Variants in DNAH7 observed in about 807,000 individuals in gnomAD.
DNAH7 encodes the protein dynein axonemal heavy chain 7.
Under a neutral mutation model 444.6 loss-of-function variants are expected in DNAH7, and 397 were observed. The ratio of observed to expected loss-of-function variants is 0.89; its 90% confidence interval spans 0.82 to 0.97. The LOEUF (loss-of-function observed/expected upper bound fraction) is 0.97, where lower values mean the gene tolerates loss of function less well. DNAH7 is among the 50% of genes least tolerant of loss of function. The pLI, the probability that DNAH7 is intolerant of heterozygous loss-of-function variation, is 0.00. For synonymous variants in DNAH7, 1,636 were observed against 1,624.4 expected (o/e 1.01, Z -0.17); for missense variants, 4,902 against 4,800.8 (o/e 1.02, Z -0.62).
At chr2:195,964,526 GTTTTTTTT>G (rs34416268) in intron 17 of DNAH7, among the ~76,000 whole-genome samples, 1 of 119,078 alleles carries the variant, frequency 8.4e-6, no homozygotes, top group Non-Finnish European at 1.8e-5. Context: ...AGTTCTAATA[GTTTTTTTT>G]TTTTTTTTTT....
chr2:195,772,083 T>C (rs1694867570), intron 60 of DNAH7, among the ~76,000 whole-genome samples, 193 bp from the exon 61 acceptor site: 1 of 152,096 alleles, frequency 6.6e-6, no homozygotes, highest in Admixed American at 6.6e-5. Context: ...AAACTATTGT[T>C]AGAGAGGAGG....
intron 63 of DNAH7, among the ~76,000 whole-genome samples, chr2:195,747,119 A>G (rs1017701326): frequency 2.6e-5 from 4 of 152,194 alleles, no homozygotes; most frequent in African/African-American, 9.6e-5. Flanking sequence ...AATAAAGAAG[A>G]AAAGAGAGAA....
chr2:195,922,234 A>C lies in DNAH7; in HGVS notation c.3826-37T>G, dbSNP rs80134683. ...CAAATAAAATGAAGTTAAACAATAAAATTGTAAATAATATGAAATCTCAAG... is the reference window on the plus strand; with the variant it reads ...CAAATAAAATGAAGTTAAACAATAACATTGTAAATAATATGAAATCTCAAG... On this transcript the variant is annotated intron_variant, in intron 23 of 64. Transcript: ENST00000312428. The C allele has an allele frequency of 7.3e-3, 8,576 of 1,182,880 alleles. 184 individuals carry two copies. The highest frequency in any genetic ancestry group is 0.06 in the East Asian group (2,458 of 40,910). The allele number at this position is 1,182,880 out of a possible 1,614,324, so 73.3% of individuals were successfully genotyped here.
intron 23 of DNAH7, among the ~76,000 whole-genome samples, chr2:195,922,886 G>A (rs1688109565): frequency 6.6e-6 from 1 of 151,534 alleles, no homozygotes; most frequent in Non-Finnish European, 1.5e-5. Context: ...TTCTGAGACA[G>A]GGTCTCACTC....
chr2:195,899,830 T>A (rs560833134), intron 28 of DNAH7, among the ~76,000 whole-genome samples: 1 of 152,170 alleles, frequency 6.6e-6, no homozygotes, highest in Admixed American at 6.5e-5. Context: ...TATATTACAG[T>A]TATAATTTAG....
At chr2:195,879,683 T>C (rs1701267466) in intron 36 of DNAH7, among the ~76,000 whole-genome samples, 1 of 152,000 alleles carries the variant, frequency 6.6e-6, no homozygotes, top group Non-Finnish European at 1.5e-5. Flanking sequence ...AAAAACTACT[T>C]GTTTGTTTAT....
chr2:195,749,734 A>G (rs1369706348), intron 63 of DNAH7, among the ~76,000 whole-genome samples: 2 of 151,724 alleles, frequency 1.3e-5, no homozygotes, highest in African/African-American at 2.4e-5. Context: ...TCGCAAGAAC[A>G]AGAAACCAAA....
intron 61 of DNAH7, among the ~76,000 whole-genome samples, chr2:195,760,251 C>CAGT (rs897900263): frequency 2.4e-4 from 36 of 152,242 alleles, no homozygotes; most frequent in African/African-American, 8.7e-4. Flanking sequence ...AGCTCAGCAG[C>CAGT]AGTAGAACAG....
At chr2:195,988,326 T>C in intron 12 of DNAH7, 97 bp from the exon 13 acceptor site, 1 of 1,109,384 alleles carries the variant, frequency 9.0e-7, no homozygotes, top group Non-Finnish European at 1.2e-6. Flanking sequence ...GTTTCTTGTC[T>C]TTTTATTCAC....
At chr2:196,006,481 T>C (rs1694381154) in intron 10 of DNAH7, among the ~76,000 whole-genome samples, 1 of 151,532 alleles carries the variant, frequency 6.6e-6, no homozygotes, top group African/African-American at 2.4e-5. Flanking sequence ...TAACACTACA[T>C]GATAAAAAAC....
chr2:195,773,750 A>G (rs2105944291), intron 60 of DNAH7, among the ~76,000 whole-genome samples: 1 of 152,344 alleles, frequency 6.6e-6, no homozygotes, highest in South Asian at 2.1e-4. Flanking sequence ...ACCTTTTCAG[A>G]GATCCTAGAC....
At chr2:195,866,140 T>C (rs1228502013) in intron 40 of DNAH7, among the ~76,000 whole-genome samples, 1 of 152,234 alleles carries the variant, frequency 6.6e-6, no homozygotes, top group Non-Finnish European at 1.5e-5. Flanking sequence ...CTGCATCAAC[T>C]TCTTCACCTA....
intron 29 of DNAH7, among the ~76,000 whole-genome samples, chr2:195,896,397 G>A (rs1319204788): frequency 1.3e-5 from 2 of 149,682 alleles, no homozygotes; most frequent in African/African-American, 4.9e-5. Flanking sequence ...ATTCTTTTAT[G>A]GATTGTGTTT....
Position 195,816,874 on chromosome 2 carries a change from A to G in DNAH7, c.9515T>C (p.Leu3172Ser). 6.2e-7 allele frequency: 1 copy of G among 1,614,154 alleles called. No homozygotes were observed. Among genetic ancestry groups the G allele is most frequent in the Non-Finnish European group, 8.5e-7 (1 of 1,179,994 alleles). The change falls in exon 51 of 65, where the codon TTA becomes TCA. Residue 3172 changes from leucine to serine, a missense_variant. Physicochemically the swap from Leu to Ser is moderately radical, Grantham distance 145 (BLOSUM62 -2). Transcript: ENST00000312428. The stretch of plus-strand genomic sequence containing the variant: ...ATTAGCCAAGGCCTTGGAGGAAGAT[A>G]ATATCTTAATAGCAGTTTCATCTTC... Reference protein sequence around the residue: ...ILEDETAIKILSSSKALANEI... With the variant: ...ILEDETAIKISSSSKALANEI...
chr2:195,888,240 A>C lies in DNAH7; in HGVS notation c.5406+18T>G. ...TTTTCCATTTATTTTTTAATCTTAA[A>C]ATTCTCATTTCCCTTACCTTTGTAT... On this transcript the variant is annotated intron_variant, in intron 33 of 64. Transcript: ENST00000312428. 1 of 1,579,250 alleles carries C rather than the reference A, an allele frequency of 6.3e-7. No individual in the cohort carries two copies.
At chr2:195,851,000 C>T (rs1699328964) in intron 46 of DNAH7, among the ~76,000 whole-genome samples, 1 of 152,138 alleles carries the variant, frequency 6.6e-6, no homozygotes, top group African/African-American at 2.4e-5. Context: ...AGTACATTCC[C>T]AGGCACTTCT....
intron 11 of DNAH7, 147 bp downstream of exon 11, chr2:196,001,528 C>A (rs1488746460): frequency 1.4e-6 from 1 of 695,058 alleles, no homozygotes; most frequent in Admixed American, 4.0e-5. Flanking sequence ...CCATGCCTGG[C>A]TGACAATTTT....
At chr2:195,744,670 A>C (rs944090927) in intron 63 of DNAH7, among the ~76,000 whole-genome samples, 6 of 152,142 alleles carry the variant, frequency 3.9e-5, no homozygotes, top group Non-Finnish European at 7.4e-5. Context: ...CCAGAGGAAC[A>C]ATCAGACAGC....
At chr2:195,768,441 C>T (rs73058240) in intron 61 of DNAH7, among the ~76,000 whole-genome samples, 9,203 of 151,718 alleles carry the variant, frequency 0.061, 377 homozygotes, top group African/African-American at 0.12. Flanking sequence ...GGCATTTCAT[C>T]GTGTATATTA....
Sources: gnomAD v4.1 joint callset for allele counts (sites outside exome capture counted in the v4.1 genomes callset) on GRCh38, gnomAD v4.1.1 for gene constraint, MANE v1.5 for transcripts, NCBI Gene and HGNC (gene_info 2026-07-23, HGNC 2026-07-21) for gene names.